CENPH: variants seen among roughly 807,000 people sequenced by gnomAD.
CENPH encodes centromere protein H.
A neutral mutation model predicts 42.9 loss-of-function variants in CENPH; 40 were observed. The observed-to-expected ratio is 0.93, with a 90% confidence interval of 0.72 to 1.21. The LOEUF (loss-of-function observed/expected upper bound fraction) is 1.21, where lower values mean the gene tolerates loss of function less well. CENPH is among the 50% of genes most tolerant of loss of function. CENPH has a pLI of 0.00. For missense variants in CENPH, 302 were observed against 292.9 expected (o/e 1.03, Z -0.23); for synonymous variants, 88 against 96.5 (o/e 0.91, Z 0.52).
At chr5:69,202,778 C>T in intron 6 of CENPH, 141 bp from the exon 7 acceptor site, 1 of 639,740 alleles carries the variant, frequency 1.6e-6, no homozygotes, top group Non-Finnish European at 2.7e-6. Flanking sequence ...TTACTGTCTT[C>T]CTTTTGCTGT....
chr5:69,191,945 C>T (rs1257852794), intron 2 of CENPH, 95 bp downstream of exon 2: 6 of 698,140 alleles, frequency 8.6e-6, no homozygotes, highest in African/African-American at 3.6e-5. Flanking sequence ...AATGTAGTGG[C>T]GCAGTCTCTG....
At chr5:69,205,435 A>G in intron 7 of CENPH, among the ~76,000 whole-genome samples, 1 of 151,444 alleles carries the variant, frequency 6.6e-6, no homozygotes, top group Non-Finnish European at 1.5e-5. Context: ...CATGTTGTCC[A>G]GGCTGGTCTC....
rs1390253826 is a variant in CENPH, at chr5:69,208,272, T to C, written c.564T>C (p.Ser188=). 6.3e-7 allele frequency: 1 copy of C among 1,591,934 alleles called. No homozygotes were observed. The highest frequency in any genetic ancestry group is 8.6e-7 in the Non-Finnish European group (1 of 1,160,034). Residue 188 remains serine, a synonymous_variant, in exon 8 of 9, where the codon AGT becomes AGC. Coordinates refer to ENST00000283006, the MANE Select transcript of CENPH (RefSeq NM_022909.4). ...EKNKQKIDLD[S]MENSERIKII... Reference sequence around the variant, plus strand: ...ACAAACAGAAGATTGATTTGGACAGTATGGAAAACTCAGAGAGGATAAAGA... The same window carrying C: ...ACAAACAGAAGATTGATTTGGACAGCATGGAAAACTCAGAGAGGATAAAGA...
At chr5:69,204,497 C>G (rs544084640) in intron 7 of CENPH, among the ~76,000 whole-genome samples, 1 of 151,274 alleles carries the variant, frequency 6.6e-6, no homozygotes, top group East Asian at 2.0e-4. Flanking sequence ...GCTGTGTTAC[C>G]CAGGTTTGTC....
chr5:69,203,410 A>G (rs920264490), intron 7 of CENPH, among the ~76,000 whole-genome samples: 24 of 152,218 alleles, frequency 1.6e-4, no homozygotes, highest in African/African-American at 5.8e-4. Flanking sequence ...TCTGTCGCCC[A>G]TGCTGGAGTG....
intron 5 of CENPH, among the ~76,000 whole-genome samples, chr5:69,197,719 G>C (rs1375235001): frequency 2.0e-5 from 3 of 151,754 alleles, no homozygotes; most frequent in Admixed American, 1.3e-4. Context: ...GAGTTAATGG[G>C]TGCAGCACAC....
At chr5:69,199,725 A>G (rs1037127301) in intron 5 of CENPH, among the ~76,000 whole-genome samples, 1 of 152,156 alleles carries the variant, frequency 6.6e-6, no homozygotes, top group Non-Finnish European at 1.5e-5. Flanking sequence ...TCAAGCTTTA[A>G]GACTGGGAGG....
intron 2 of CENPH, among the ~76,000 whole-genome samples, chr5:69,192,140 C>T (rs530606908): frequency 4.6e-5 from 7 of 152,124 alleles, no homozygotes; most frequent in South Asian, 2.1e-4. Context: ...TAACAGTACT[C>T]GAGTGAAAAT....
chr5:69,190,978 C>T (rs1747860787), intron 1 of CENPH, among the ~76,000 whole-genome samples: 1 of 151,032 alleles, frequency 6.6e-6, no homozygotes, highest in South Asian at 2.1e-4. Context: ...TTGTTTTTTC[C>T]TCCTCACCCT....
chr5:69,190,136 C>A (rs1227149671), intron 1 of CENPH, among the ~76,000 whole-genome samples: 1 of 152,138 alleles, frequency 6.6e-6, no homozygotes, highest in African/African-American at 2.4e-5. Context: ...TCTTTTAGAA[C>A]TACGACCCTT....
chr5:69,205,522 C>A (rs372541146), intron 7 of CENPH, among the ~76,000 whole-genome samples: 3 of 151,850 alleles, frequency 2.0e-5, no homozygotes, highest in African/African-American at 4.8e-5. Flanking sequence ...CCACTGTGAC[C>A]GGCCTTTTTG....
intron 7 of CENPH, 69 bp from the exon 8 acceptor site, chr5:69,208,127 A>T (rs1748190546): frequency 1.2e-6 from 1 of 811,514 alleles, no homozygotes. Flanking sequence ...GATCTGCTTC[A>T]TAATTTTTCA....
intron 1 of CENPH, 22 bp downstream of exon 1, chr5:69,189,790 A>C: frequency 7.0e-7 from 1 of 1,428,866 alleles, no homozygotes; most frequent in Non-Finnish European, 9.1e-7. Context: ...TGGCCTCCTC[A>C]GCCGGGGCCA....
Position 69,191,855 on chromosome 5 carries a change from G to A in CENPH, c.190+5G>A. On this transcript the variant is annotated splice_donor_5th_base_variant and intron_variant, in intron 2 of 8. Transcript: ENST00000283006. ...ATAAATCAATGGTTGATGCAAGTAA[G>A]TATTTTCATTTTCAAATTAGGGTTT... 6.7e-7 allele frequency: 1 copy of A among 1,484,010 alleles called. No individual in the cohort carries two copies. Among genetic ancestry groups the A allele is most frequent in the African/African-American group, 1.4e-5 (1 of 72,000 alleles). 91.9% of individuals were successfully genotyped at this position (1,484,010 alleles called of 1,614,324 possible). A position where few individuals can be genotyped will look rare whatever the true frequency, so the allele number is the denominator to read the frequency against.
intron 4 of CENPH, 70 bp from the exon 5 acceptor site, chr5:69,196,983 G>T: frequency 8.3e-6 from 8 of 959,846 alleles, no homozygotes; most frequent in South Asian, 1.8e-5. Context: ...TCTTTTTCAT[G>T]TTTTGAATTT....
At chr5:69,207,193 T>TC (rs1425796212) in intron 7 of CENPH, among the ~76,000 whole-genome samples, 1 of 149,640 alleles carries the variant, frequency 6.7e-6, no homozygotes, top group East Asian at 2.0e-4. Context: ...GAATCTTACT[T>TC]TTTTTTTTTT....
chr5:69,194,044 A>G (rs886585845), intron 2 of CENPH, among the ~76,000 whole-genome samples: 21 of 152,302 alleles, frequency 1.4e-4, no homozygotes, highest in African/African-American at 5.1e-4. Context: ...GCCAGTGGCT[A>G]TCCTATGGGA....
intron 5 of CENPH, among the ~76,000 whole-genome samples, chr5:69,198,208 C>T (rs1333055376): frequency 2.0e-5 from 3 of 151,994 alleles, no homozygotes; most frequent in Non-Finnish European, 2.9e-5. Context: ...GTGTGAGCCA[C>T]CGCACCCGGC....
rs997437671 is a variant in CENPH at position 69,191,845 on chromosome 5, A to T, written c.185A>T (p.Asp62Val). The change falls in exon 2 of 9, where the codon GAT (aspartate) becomes GTT (valine). Residue 62 changes from aspartate to valine, a missense_variant. Asp to Val is a radical substitution (Grantham distance 152). Coordinates refer to ENST00000283006, the MANE Select transcript of CENPH (RefSeq NM_022909.4). ...CTCTTAGAATATAAATCAATGGTTG[A>T]TGCAAGTAAGTATTTTCATTTTCAA... ...QQLLEYKSMV[D>V]ASEEKTPEQI... 6.6e-7 allele frequency: 1 copy of T among 1,521,224 alleles called. No individual in the cohort carries two copies. The allele number at this position is 1,521,224 out of a possible 1,614,324, so 94.2% of individuals were successfully genotyped here.
Sources: allele counts gnomAD v4.1 joint callset (sites outside exome capture counted in the v4.1 genomes callset), GRCh38; gene constraint gnomAD v4.1.1; transcripts MANE v1.5; gene names NCBI Gene and HGNC (gene_info 2026-07-23, HGNC 2026-07-21).